PTPRK: variants seen among roughly 807,000 people sequenced by gnomAD.
PTPRK encodes the protein receptor-type tyrosine-protein phosphatase kappa.
In PTPRK, 75 loss-of-function variants were observed where a neutral mutation model predicts 178.0. That is an observed-to-expected ratio of 0.42 (90% CI 0.35 to 0.51). The LOEUF is 0.51. Ranked by LOEUF, PTPRK falls within the 20% of genes least tolerant of loss-of-function variation. PTPRK has a pLI of 0.02. For synonymous variants in PTPRK, 637 were observed against 620.6 expected (o/e 1.03, Z -0.39); for missense variants, 1,441 against 1,797.8 (o/e 0.80, Z 3.59).
chr6:128,316,976 T>C (rs989834978), intron 3 of PTPRK, among the ~76,000 whole-genome samples: 2 of 152,126 alleles, frequency 1.3e-5, no homozygotes, highest in South Asian at 4.1e-4. Context: ...ACAAAGAGAA[T>C]CGTTAAGATT....
intron 1 of PTPRK, among the ~76,000 whole-genome samples, chr6:128,463,993 G>A (rs939797604): frequency 6.6e-5 from 10 of 151,506 alleles, no homozygotes; most frequent in African/African-American, 2.2e-4. Flanking sequence ...GACCTCAGGC[G>A]ATCTGCCTGC....
intron 6 of PTPRK, among the ~76,000 whole-genome samples, chr6:128,197,153 A>C (rs1283073000): frequency 1.3e-5 from 2 of 151,058 alleles, no homozygotes; most frequent in Admixed American, 1.3e-4. Flanking sequence ...AGCGCCATAC[A>C]ATTACATTTT....
At chr6:128,170,017 TG>T in intron 7 of PTPRK, among the ~76,000 whole-genome samples, 1 of 152,254 alleles carries the variant, frequency 6.6e-6, no homozygotes, top group Middle Eastern at 3.4e-3. Context: ...ATCTTCCTTT[TG>T]TTTTTACTCA....
chr6:128,032,299 T>A (rs1445609426), intron 13 of PTPRK, among the ~76,000 whole-genome samples: 3 of 152,164 alleles, frequency 2.0e-5, no homozygotes, highest in Non-Finnish European at 4.4e-5. Context: ...TGCTGTGTTT[T>A]TCAGCCCCTT....
chr6:128,208,847 A>G (rs1185773442), intron 6 of PTPRK, among the ~76,000 whole-genome samples: 1 of 152,138 alleles, frequency 6.6e-6, no homozygotes, highest in Non-Finnish European at 1.5e-5. Context: ...TTAAAACTGG[A>G]TATGTTCCTA....
chr6:128,446,265 A>T (rs1158217575), intron 1 of PTPRK, among the ~76,000 whole-genome samples: 5 of 152,240 alleles, frequency 3.3e-5, no homozygotes, highest in Non-Finnish European at 5.9e-5. Context: ...GGGGGAATTA[A>T]TTAAATTTAA....
intron 7 of PTPRK, among the ~76,000 whole-genome samples, chr6:128,125,901 C>T (rs1793290633): frequency 1.3e-5 from 2 of 151,896 alleles, no homozygotes; most frequent in Admixed American, 1.3e-4. Context: ...AGCCACTGTG[C>T]CCAGTCGCCT....
chr6:128,408,398 AAAC>A (rs1464807191), intron 1 of PTPRK, among the ~76,000 whole-genome samples: 79 of 152,002 alleles, frequency 5.2e-4, no homozygotes, highest in Middle Eastern at 6.8e-3. Flanking sequence ...ACAAACAAAC[AAAC>A]AAAAACTACC....
intron 5 of PTPRK, among the ~76,000 whole-genome samples, chr6:128,239,020 A>C (rs1813865932): frequency 6.6e-6 from 1 of 152,116 alleles, no homozygotes; most frequent in East Asian, 1.9e-4. Context: ...CTTTATTACA[A>C]CCACCTGCAA....
intron 3 of PTPRK, among the ~76,000 whole-genome samples, chr6:128,272,867 C>T (rs1394108076): frequency 6.6e-6 from 1 of 152,078 alleles, no homozygotes; most frequent in South Asian, 2.1e-4. Flanking sequence ...GAGCATATAC[C>T]CGAAGGATTA....
chr6:128,060,347 A>G (rs914677524), intron 13 of PTPRK, among the ~76,000 whole-genome samples: 3 of 152,326 alleles, frequency 2.0e-5, no homozygotes, highest in African/African-American at 7.2e-5. Context: ...CTCATTAGCA[A>G]AACATGGTAC....
intron 2 of PTPRK, among the ~76,000 whole-genome samples, chr6:128,358,346 G>A (rs1834239093): frequency 1.3e-5 from 2 of 152,180 alleles, no homozygotes; most frequent in Admixed American, 1.3e-4. Flanking sequence ...ACAGACCCTT[G>A]CTTTCAGTTC....
chr6:128,259,293 C>A (rs991683077), intron 3 of PTPRK, among the ~76,000 whole-genome samples: 1 of 152,096 alleles, frequency 6.6e-6, no homozygotes, highest in East Asian at 1.9e-4. Context: ...TCAGGGAACA[C>A]CAGTATGCCA....
At chr6:128,313,167 C>A (rs1827487013) in intron 3 of PTPRK, among the ~76,000 whole-genome samples, 1 of 152,054 alleles carries the variant, frequency 6.6e-6, no homozygotes, top group Non-Finnish European at 1.5e-5. Context: ...TCACTAGAAA[C>A]AAGACCTAAA....
At chr6:128,356,668 C>T (rs1229450993) in intron 2 of PTPRK, among the ~76,000 whole-genome samples, 1 of 152,162 alleles carries the variant, frequency 6.6e-6, no homozygotes, top group Admixed American at 6.5e-5. Context: ...TTTTCTTTCT[C>T]ATATCATAAA....
chr6:128,261,728 T>C (rs1480869191), intron 3 of PTPRK, among the ~76,000 whole-genome samples: 2 of 150,758 alleles, frequency 1.3e-5, no homozygotes, highest in African/African-American at 5.0e-5. Context: ...AATAATTGCA[T>C]CTGGCTAGTG....
chr6:128,208,501 G>A (rs1807400007), intron 6 of PTPRK, among the ~76,000 whole-genome samples: 1 of 152,064 alleles, frequency 6.6e-6, no homozygotes, highest in Non-Finnish European at 1.5e-5. Context: ...CCAAAATACA[G>A]TCAGGAATCT....
At chr6:128,030,781 CAAG>C (rs1462560953) in intron 13 of PTPRK, among the ~76,000 whole-genome samples, 1 of 152,034 alleles carries the variant, frequency 6.6e-6, no homozygotes, top group African/African-American at 2.4e-5. Flanking sequence ...AAATCAAGTT[CAAG>C]AAGAATTTCA....
At chr6:128,201,183 T>C (rs1805880733) in intron 6 of PTPRK, among the ~76,000 whole-genome samples, 1 of 152,212 alleles carries the variant, frequency 6.6e-6, no homozygotes, top group East Asian at 1.9e-4. Context: ...CTCATGATAT[T>C]ATTAAAGACA....
Sources: allele counts gnomAD v4.1 joint callset (sites outside exome capture counted in the v4.1 genomes callset), GRCh38; gene constraint gnomAD v4.1.1; transcripts MANE v1.5; gene names NCBI Gene and HGNC (gene_info 2026-07-23, HGNC 2026-07-21).